The following VWA3B variants were observed in gnomAD, a reference collection of about 807,000 sequenced individuals.
The protein encoded by VWA3B is von Willebrand factor A domain-containing protein 3B.
VWA3B carries 138 observed loss-of-function variants against 158.3 expected under a neutral mutation model. The ratio of observed to expected loss-of-function variants is 0.87; its 90% CI spans 0.76 to 1.00. VWA3B has a LOEUF of 1.00. Among genes scored for constraint, VWA3B ranks in the 50% least tolerant of loss-of-function variants. The pLI is 0.00. For missense variants in VWA3B, 1,555 were observed against 1,565.1 expected, an observed-to-expected ratio of 0.99 and a Z score of 0.11; for synonymous variants, 596 against 587.3, an observed-to-expected ratio of 1.01 and a Z score of -0.21.
intron 16 of VWA3B, among the ~76,000 whole-genome samples, chr2:98,232,114 G>A (rs1470501909): frequency 3.9e-5 from 6 of 152,006 alleles, no homozygotes; most frequent in African/African-American, 9.7e-5. Flanking sequence ...GAGCCATTTC[G>A]GCCTAGGGAT....
At chr2:98,213,981 A>T (rs981624118) in intron 13 of VWA3B, among the ~76,000 whole-genome samples, 1 of 152,162 alleles carries the variant, frequency 6.6e-6, no homozygotes, top group African/African-American at 2.4e-5. Flanking sequence ...GCTTGAGCCC[A>T]GGAGTTCAAG....
At chr2:98,196,331 A>G (rs1156821027) in intron 12 of VWA3B, among the ~76,000 whole-genome samples, 1 of 152,238 alleles carries the variant, frequency 6.6e-6, no homozygotes, top group Non-Finnish European at 1.5e-5. Flanking sequence ...TGGTTTACTC[A>G]TTCCACAACA....
At chr2:98,229,261 C>A (rs1448144702) in intron 15 of VWA3B, among the ~76,000 whole-genome samples, 1 of 152,168 alleles carries the variant, frequency 6.6e-6, no homozygotes, top group Non-Finnish European at 1.5e-5. Context: ...ACAAACCATG[C>A]AGTAAGAGAA....
intron 21 of VWA3B, among the ~76,000 whole-genome samples, chr2:98,268,072 C>T (rs968642814): frequency 6.6e-6 from 1 of 151,340 alleles, no homozygotes; most frequent in African/African-American, 2.4e-5. Flanking sequence ...AAAAAGAGTC[C>T]AGGACCAGAT....
chr2:98,269,003 G>C (rs976941906), intron 21 of VWA3B, among the ~76,000 whole-genome samples: 8 of 152,078 alleles, frequency 5.3e-5, no homozygotes, highest in African/African-American at 1.9e-4. Context: ...CAGACAAGAA[G>C]GGGGGCAAAT....
At chr2:98,234,469 A>T (rs967213071) in intron 16 of VWA3B, among the ~76,000 whole-genome samples, 179 bp from the exon 17 acceptor site, 2 of 152,226 alleles carry the variant, frequency 1.3e-5, no homozygotes, top group African/African-American at 2.4e-5. Flanking sequence ...TCCAGCTGAA[A>T]TTCAGATAAA....
At chr2:98,163,392 G>A (rs1172952486) in intron 8 of VWA3B, among the ~76,000 whole-genome samples, 2 of 152,112 alleles carry the variant, frequency 1.3e-5, no homozygotes, top group African/African-American at 4.8e-5. Flanking sequence ...ACAAAAATTA[G>A]CTGGGTGTGG....
intron 12 of VWA3B, among the ~76,000 whole-genome samples, chr2:98,195,301 A>G (rs1384676792): frequency 6.6e-6 from 1 of 152,158 alleles, no homozygotes; most frequent in African/African-American, 2.4e-5. Context: ...AAAGGCAAAT[A>G]TGTATCAGAA....
intron 6 of VWA3B, among the ~76,000 whole-genome samples, chr2:98,132,664 G>A (rs369822569): frequency 6.6e-6 from 1 of 152,188 alleles, no homozygotes; most frequent in African/African-American, 2.4e-5. Flanking sequence ...GACACTCAGG[G>A]CATGGGGCCT....
intron 19 of VWA3B, among the ~76,000 whole-genome samples, chr2:98,239,678 G>A (rs1685945896): frequency 2.0e-5 from 3 of 151,962 alleles, no homozygotes; most frequent in Non-Finnish European, 4.4e-5. Flanking sequence ...ACTTCAGGAG[G>A]CCGAGGCAGC....
intron 5 of VWA3B, among the ~76,000 whole-genome samples, chr2:98,124,868 C>T (rs1286789261): frequency 6.6e-6 from 1 of 152,150 alleles, no homozygotes; most frequent in African/African-American, 2.4e-5. Flanking sequence ...GGGCAGAATG[C>T]ATGTTACTGT....
chr2:98,132,834 C>G (rs1039292094), intron 6 of VWA3B, among the ~76,000 whole-genome samples: 1 of 152,212 alleles, frequency 6.6e-6, no homozygotes, highest in Non-Finnish European at 1.5e-5. Context: ...TTTTAATTGC[C>G]GTCAAGTCAT....
intron 21 of VWA3B, among the ~76,000 whole-genome samples, chr2:98,266,776 G>C (rs1483339925): frequency 3.1e-5 from 4 of 127,572 alleles, no homozygotes; most frequent in Non-Finnish European, 5.0e-5. Flanking sequence ...CTTGTAAGTT[G>C]GATTCCTAGG....
intron 7 of VWA3B, among the ~76,000 whole-genome samples, chr2:98,160,777 A>C (rs1678509413): frequency 6.6e-6 from 1 of 152,190 alleles, no homozygotes; most frequent in African/African-American, 2.4e-5. Flanking sequence ...GATTTTCAAC[A>C]TGGAGCTCAG....
intron 9 of VWA3B, among the ~76,000 whole-genome samples, chr2:98,182,698 T>C (rs1680695528): frequency 6.6e-6 from 1 of 151,902 alleles, no homozygotes; most frequent in Non-Finnish European, 1.5e-5. Flanking sequence ...GGCGGGCAGA[T>C]CACTTGAGGT....
intron 2 of VWA3B, among the ~76,000 whole-genome samples, chr2:98,100,627 T>C (rs1347250932): frequency 6.6e-6 from 1 of 152,218 alleles, no homozygotes; most frequent in Non-Finnish European, 1.5e-5. Flanking sequence ...AGGATAGATC[T>C]AGAAGCTTAG....
At chr2:98,238,523 T>G (rs753377729) in intron 19 of VWA3B, among the ~76,000 whole-genome samples, 4 of 152,174 alleles carry the variant, frequency 2.6e-5, no homozygotes, top group Non-Finnish European at 5.9e-5. Flanking sequence ...TTGGGCTTAT[T>G]ATGCCTCCTT....
chr2:98,188,034 G>T lies in VWA3B; in HGVS notation c.1371G>T (p.Trp457Cys). The T allele has an allele frequency of 6.2e-7, 1 of 1,614,032 alleles. No individual in the cohort carries two copies. Among genetic ancestry groups the T allele is most frequent in the Non-Finnish European group, 8.5e-7 (1 of 1,180,000 alleles). The change falls in exon 10 of 28, where the codon TGG (tryptophan) becomes TGT (cysteine). Residue 457 changes from tryptophan to cysteine, a missense_variant. Physicochemically the swap from Trp to Cys is radical, Grantham distance 215. Coordinates refer to ENST00000477737, the MANE Select transcript of VWA3B (RefSeq NM_144992.5). ...GCAGCAGGTTTGTCCATGCTCCCTG[G>T]AAGGATGGGAGCTTGGTCCACGTCA... ...KYCSRFVHAP[W>C]KDGSLVHVNI...
intron 10 of VWA3B, among the ~76,000 whole-genome samples, chr2:98,190,319 C>T (rs544068577): frequency 2.2e-4 from 34 of 152,252 alleles, no homozygotes; most frequent in Admixed American, 5.2e-4. Context: ...ACTTTCACTC[C>T]CACTTACGCC....
Sources: gnomAD v4.1 joint callset for allele counts (sites outside exome capture counted in the v4.1 genomes callset) on GRCh38, gnomAD v4.1.1 for gene constraint, MANE v1.5 for transcripts, NCBI Gene and HGNC (gene_info 2026-07-23, HGNC 2026-07-21) for gene names.